The following PDE8B variants were observed in gnomAD, a reference collection of about 807,000 sequenced individuals.
PDE8B encodes the protein phosphodiesterase 8B.
Under a neutral mutation model 101.3 loss-of-function variants are expected in PDE8B, and 26 were observed. The ratio of observed to expected loss-of-function variants is 0.26; its 90% CI spans 0.19 to 0.36. The LOEUF (loss-of-function observed/expected upper bound fraction) is 0.36, where lower values mean the gene tolerates loss of function less well. PDE8B is among the 10% of genes least tolerant of loss of function. The probability of loss-of-function intolerance (pLI) is 1.00; values close to 1 mark genes in which losing one functional copy is unlikely to be tolerated. For synonymous variants in PDE8B, 424 were observed against 429.3 expected (o/e 0.99, Z 0.15); for missense variants, 810 against 1,163.1 (o/e 0.70, Z 4.42).
At chr5:77,140,041 A>G in the PDE8B span, 1 of 151,976 alleles carries the variant, frequency 6.6e-6, no homozygotes, top group African/African-American at 2.4e-5. Context: ...GAAGATCTGT[A>G]TGCCTTGGGT....
chr5:77,274,925 TTTG>T (rs1356847494), intron 1 of PDE8B, among the ~76,000 whole-genome samples: 52 of 152,238 alleles, frequency 3.4e-4, no homozygotes, highest in Admixed American at 3.3e-4. Context: ...AGAAAGAGAT[TTTG>T]TTGACAGCCA....
chr5:77,249,368 T>C (rs1757595457), intron 1 of PDE8B, among the ~76,000 whole-genome samples: 1 of 152,140 alleles, frequency 6.6e-6, no homozygotes, highest in Non-Finnish European at 1.5e-5. Flanking sequence ...TCAAGAGAGG[T>C]TGAATGAGTT....
At chr5:77,267,604 T>C (rs1350301526) in intron 1 of PDE8B, among the ~76,000 whole-genome samples, 2 of 152,176 alleles carry the variant, frequency 1.3e-5, no homozygotes, top group Non-Finnish European at 2.9e-5. Context: ...CTTCCAGAGC[T>C]GAAGCTCCAG....
chr5:77,130,453 A>G, the PDE8B span, among the ~76,000 whole-genome samples: 180 of 152,278 alleles, frequency 1.2e-3, 1 homozygote, highest in African/African-American at 4.1e-3. Flanking sequence ...GTTCCTCATA[A>G]TAGAAAACCC....
At chr5:77,195,955 T>A in the PDE8B span, among the ~76,000 whole-genome samples, 1 of 152,140 alleles carries the variant, frequency 6.6e-6, no homozygotes, top group African/African-American at 2.4e-5. Context: ...TTGAAACCCG[T>A]TGTTCAAAGG....
chr5:77,397,212 T>C (rs1462434927), intron 10 of PDE8B, among the ~76,000 whole-genome samples: 1 of 151,632 alleles, frequency 6.6e-6, no homozygotes, highest in African/African-American at 2.4e-5. Context: ...GTATTTTTGG[T>C]AGAGACAGGG....
chr5:77,387,854 G>A (rs1162252623), intron 10 of PDE8B, among the ~76,000 whole-genome samples: 1 of 150,794 alleles, frequency 6.6e-6, no homozygotes, highest in South Asian at 2.1e-4. Context: ...CCTTTTTTCT[G>A]CTTGATCAAT....
the PDE8B span, among the ~76,000 whole-genome samples, chr5:77,163,088 T>C: frequency 1.3e-5 from 2 of 152,226 alleles, no homozygotes; most frequent in African/African-American, 4.8e-5. Context: ...CCATTTGCCA[T>C]TGATTTTACC....
chr5:77,131,833 G>T, the PDE8B span, among the ~76,000 whole-genome samples: 1 of 152,092 alleles, frequency 6.6e-6, no homozygotes, highest in Admixed American at 6.5e-5. Context: ...TATTGATAGG[G>T]CCCCTTTCCA....
the PDE8B span, chr5:77,114,057 T>C: frequency 2.6e-5 from 4 of 152,192 alleles, no homozygotes; most frequent in Non-Finnish European, 5.9e-5. Context: ...TTTTACACTG[T>C]TGGTGGGAGT....
chr5:77,220,817 T>G (rs1384204018), intron 1 of PDE8B, among the ~76,000 whole-genome samples: 1 of 152,180 alleles, frequency 6.6e-6, no homozygotes, highest in Non-Finnish European at 1.5e-5. Context: ...AGGGAGTAGT[T>G]ATCTTTAGTG....
intron 14 of PDE8B, 124 bp downstream of exon 14, chr5:77,409,181 C>T: frequency 3.9e-6 from 3 of 766,616 alleles, no homozygotes; most frequent in Non-Finnish European, 6.8e-6. Flanking sequence ...GTTAGCATAA[C>T]CAGAAGCAAC....
At chr5:77,107,503 GTCTTT>G in the PDE8B span, among the ~76,000 whole-genome samples, 4 of 152,010 alleles carry the variant, frequency 2.6e-5, no homozygotes, top group African/African-American at 9.7e-5. Context: ...CAATATCTGT[GTCTTT>G]TCTTTATTTT....
intron 1 of PDE8B, among the ~76,000 whole-genome samples, chr5:77,241,415 T>C (rs1755742260): frequency 6.6e-6 from 1 of 152,152 alleles, no homozygotes; most frequent in Middle Eastern, 3.2e-3. Context: ...TTTGAGGAGG[T>C]AAACAGGCAT....
At chr5:77,216,984 G>C (rs896906232) in intron 1 of PDE8B, among the ~76,000 whole-genome samples, 4 of 152,166 alleles carry the variant, frequency 2.6e-5, no homozygotes, top group Admixed American at 2.6e-4. Context: ...ATTGTGATGG[G>C]CAGTTTGATG....
chr5:77,299,102 G>A (rs1170366512), intron 1 of PDE8B, among the ~76,000 whole-genome samples: 1 of 152,112 alleles, frequency 6.6e-6, no homozygotes, highest in East Asian at 1.9e-4. Flanking sequence ...CATTTCTAAA[G>A]CATTGCCTGT....
At position 77,426,812 on chromosome 5, in the gene PDE8B, T is replaced by C. The variant is rs141067545; in HGVS notation, c.*258T>C. The C allele has an allele frequency of 7.0e-5, 30 of 428,956 alleles. No homozygotes were observed. The highest frequency in any genetic ancestry group is 5.5e-4 in the African/African-American group (27 of 49,496). 26.6% of individuals were successfully genotyped at this position (428,956 alleles called of 1,614,324 possible). A position where few individuals can be genotyped will look rare whatever the true frequency, so the allele number is the denominator to read the frequency against. ...ACTCCTTTGCTCTGCTGTCATCCTG[T>C]GTACCCTTGTCAATCCATGGAGCTG... is the stretch of plus-strand genomic sequence containing the variant. On this transcript the variant is annotated 3_prime_UTR_variant, in exon 22 of 22. Transcript: ENST00000264917.
intron 1 of PDE8B, among the ~76,000 whole-genome samples, chr5:77,266,500 G>A (rs1013779343): frequency 1.3e-5 from 2 of 152,192 alleles, no homozygotes; most frequent in African/African-American, 2.4e-5. Flanking sequence ...TGTGTTAGAC[G>A]AGCTTCATTC....
intron 20 of PDE8B, 122 bp downstream of exon 20, chr5:77,422,110 A>G: frequency 9.1e-7 from 1 of 1,093,572 alleles, no homozygotes; most frequent in Non-Finnish European, 1.4e-6. Flanking sequence ...TCCTCCCTGG[A>G]AGAAAGCAGC....
Sources: gnomAD v4.1 joint callset for allele counts (sites outside exome capture counted in the v4.1 genomes callset) on GRCh38, gnomAD v4.1.1 for gene constraint, MANE v1.5 for transcripts, NCBI Gene and HGNC (gene_info 2026-07-23, HGNC 2026-07-21) for gene names.